RORB: variants seen among roughly 807,000 people sequenced by gnomAD.
The protein encoded by RORB is RAR related orphan receptor B.
A neutral mutation model predicts 59.1 loss-of-function variants in RORB; 6 were observed. That is an observed-to-expected ratio of 0.10 (90% confidence interval 0.06 to 0.20). RORB has a LOEUF of 0.20. RORB is among the 10% of genes least tolerant of loss of function. The pLI, the probability that RORB is intolerant of heterozygous loss-of-function variation, is 1.00. For missense variants in RORB, 320 were observed against 560.5 expected (o/e 0.57, Z 4.33); for synonymous variants, 215 against 204.5 (o/e 1.05, Z -0.44).
intron 1 of RORB, among the ~76,000 whole-genome samples, chr9:74,541,448 CTT>C (rs1258961229): frequency 6.6e-6 from 1 of 151,960 alleles, no homozygotes; most frequent in Non-Finnish European, 1.5e-5. Context: ...GTCATAAAAA[CTT>C]AGAGTGATGT....
rs2098220218 is a variant in RORB, at chr9:74,690,355, G to GCT, written c.*4738_*4739dup. On this transcript the variant is annotated 3_prime_UTR_variant, in exon 10 of 10. Coordinates refer to ENST00000376896, the MANE Select transcript of RORB (RefSeq NM_006914.4). ...TTCGAAAGCCTAAAAGGGCCAGGGG[G>GCT]CTTAATGCAAATGGGTGAAGCAGCC... 6.6e-6 allele frequency: 1 copy of GCT among 152,230 alleles called. No individual in the cohort carries two copies. The highest frequency in any genetic ancestry group is 1.5e-5 in the Non-Finnish European group (1 of 68,078). The allele number at this position is 152,230 out of a possible 1,614,324, so 9.4% of individuals were successfully genotyped here.
intron 1 of RORB, among the ~76,000 whole-genome samples, chr9:74,541,137 G>A (rs975262043): frequency 2.2e-4 from 33 of 151,608 alleles, no homozygotes; most frequent in Admixed American, 9.9e-4. Context: ...AAAAGTAGCC[G>A]GGTGTGGTGG....
chr9:74,544,309 C>G (rs896546780), intron 1 of RORB, among the ~76,000 whole-genome samples: 2 of 152,178 alleles, frequency 1.3e-5, no homozygotes, highest in South Asian at 4.1e-4. Flanking sequence ...CTTTTCCTCA[C>G]TCACACACAC....
At chr9:74,675,880 C>T (rs532391214) in intron 9 of RORB, among the ~76,000 whole-genome samples, 6 of 152,174 alleles carry the variant, frequency 3.9e-5, no homozygotes, top group Non-Finnish European at 8.8e-5. Context: ...ACAGCAGGAC[C>T]ACTGCCGAGG....
intron 1 of RORB, among the ~76,000 whole-genome samples, chr9:74,556,503 T>G (rs936169081): frequency 6.6e-6 from 1 of 152,172 alleles, no homozygotes; most frequent in South Asian, 2.1e-4. Context: ...ATCTGAGGAT[T>G]TGGGGACCAT....
chr9:74,601,443 T>A (rs148485678), intron 1 of RORB, among the ~76,000 whole-genome samples: 132 of 151,600 alleles, frequency 8.7e-4, no homozygotes, highest in African/African-American at 3.0e-3. Context: ...TCCCCTCACA[T>A]GCCTAACCAT....
Position 74,686,397 on chromosome 9 carries a change from A to G in RORB, c.*779A>G, listed in dbSNP as rs563400156. The G allele has an allele frequency of 6.5e-6, 1 of 152,678 alleles. No individual in the cohort carries two copies. The highest frequency in any genetic ancestry group is 2.1e-4 in the South Asian group (1 of 4,834). The allele number at this position is 152,678 out of a possible 1,614,324, so 9.5% of individuals were successfully genotyped here. A position where few individuals can be genotyped will look rare whatever the true frequency, so the allele number is the denominator to read the frequency against. On this transcript the variant is annotated 3_prime_UTR_variant, in exon 10 of 10. Transcript: ENST00000376896. ...TCAATGACATCAAAGCCTTGTCAAG[A>G]TGGTTCATATTGGGAAGGAGACAGT...
chr9:74,617,690 C>G (rs1352582668), intron 1 of RORB, among the ~76,000 whole-genome samples: 1 of 152,126 alleles, frequency 6.6e-6, no homozygotes, highest in Non-Finnish European at 1.5e-5. Context: ...GACACCGGGC[C>G]TTTGTGACAT....
At chr9:74,660,135 T>C (rs906959711) in intron 4 of RORB, among the ~76,000 whole-genome samples, 6 of 152,132 alleles carry the variant, frequency 3.9e-5, no homozygotes, top group African/African-American at 1.4e-4. Flanking sequence ...ATTTCCTCTA[T>C]ACATAGCCTT....
intron 1 of RORB, among the ~76,000 whole-genome samples, chr9:74,509,019 C>T (rs748087676): frequency 5.3e-5 from 8 of 151,934 alleles, no homozygotes; most frequent in Non-Finnish European, 8.8e-5. Flanking sequence ...CCTCCGCTAC[C>T]GTTTGGCCAG....
intron 4 of RORB, among the ~76,000 whole-genome samples, chr9:74,647,671 T>C (rs1006380837): frequency 1.3e-5 from 2 of 152,206 alleles, no homozygotes; most frequent in Admixed American, 1.3e-4. Context: ...AATCTCTTTT[T>C]TAAAAATTCA....
intron 1 of RORB, among the ~76,000 whole-genome samples, chr9:74,527,565 T>C (rs533125851): frequency 5.1e-4 from 77 of 152,114 alleles, no homozygotes; most frequent in African/African-American, 1.7e-3. Flanking sequence ...ATGACAAAAT[T>C]TAAACAACAT....
At chr9:74,523,102 G>T (rs1193246384) in intron 1 of RORB, among the ~76,000 whole-genome samples, 1 of 151,660 alleles carries the variant, frequency 6.6e-6, no homozygotes, top group Non-Finnish European at 1.5e-5. Flanking sequence ...AAATTTAAAT[G>T]CAGTCTTTTA....
intron 1 of RORB, among the ~76,000 whole-genome samples, chr9:74,618,387 A>T (rs1823347670): frequency 6.6e-6 from 1 of 152,210 alleles, no homozygotes. Context: ...ACATTGTCTC[A>T]GTGTGGGGTG....
intron 4 of RORB, among the ~76,000 whole-genome samples, chr9:74,653,573 C>G (rs558425602): frequency 6.6e-6 from 1 of 152,140 alleles, no homozygotes; most frequent in South Asian, 2.1e-4. Context: ...CTGAGAATTA[C>G]GAAGTTCAGG....
chr9:74,585,474 A>G (rs1479522227), intron 1 of RORB, among the ~76,000 whole-genome samples: 1 of 152,222 alleles, frequency 6.6e-6, no homozygotes, highest in African/African-American at 2.4e-5. Context: ...CCAGGTCACA[A>G]ATTATTCCGA....
chr9:74,604,889 C>A (rs1244454250), intron 1 of RORB, among the ~76,000 whole-genome samples: 1 of 152,154 alleles, frequency 6.6e-6, no homozygotes, highest in African/African-American at 2.4e-5. Flanking sequence ...ACTTGAACAA[C>A]TAGTAAGTGT....
At chr9:74,511,553 G>A (rs2118040853) in intron 1 of RORB, among the ~76,000 whole-genome samples, 1 of 151,168 alleles carries the variant, frequency 6.6e-6, no homozygotes, top group African/African-American at 2.4e-5. Context: ...AGGCGGCTAG[G>A]GCAGGAGTTC....
chr9:74,507,133 C>T (rs940759010), intron 1 of RORB, among the ~76,000 whole-genome samples: 2 of 152,052 alleles, frequency 1.3e-5, no homozygotes, highest in Non-Finnish European at 2.9e-5. Flanking sequence ...CACATACAAC[C>T]ACTTCATGTT....
Sources: allele counts gnomAD v4.1 joint callset (sites outside exome capture counted in the v4.1 genomes callset), GRCh38; gene constraint gnomAD v4.1.1; transcripts MANE v1.5; gene names NCBI Gene and HGNC (gene_info 2026-07-23, HGNC 2026-07-21).